SCFD2: variants seen among roughly 807,000 people sequenced by gnomAD.
SCFD2 encodes the protein sec1 family domain-containing protein 2.
In SCFD2, 54 loss-of-function variants were observed where a neutral mutation model predicts 58.9. The observed-to-expected ratio is 0.92, with a 90% CI of 0.74 to 1.15. SCFD2 has a LOEUF of 1.15. Among genes scored for constraint, SCFD2 ranks in the 50% most tolerant of loss-of-function variants. SCFD2 has a pLI of 0.00. For synonymous variants in SCFD2, 321 were observed against 335.9 expected (o/e 0.96, Z 0.49); for missense variants, 805 against 836.6 (o/e 0.96, Z 0.47).
intron 5 of SCFD2, chr4:52,945,804 A>G (rs1228515307): frequency 6.6e-6 from 1 of 152,164 alleles, no homozygotes; most frequent in Non-Finnish European, 1.5e-5. Context: ...TTTAAATTCA[A>G]TTCTCTTTTT....
chr4:53,002,289 C>A (rs1173875655), intron 5 of SCFD2, among the ~76,000 whole-genome samples: 3 of 152,094 alleles, frequency 2.0e-5, no homozygotes, highest in Non-Finnish European at 4.4e-5. Context: ...GATTTCCAAG[C>A]CAAACAGGGA....
intron 5 of SCFD2, among the ~76,000 whole-genome samples, chr4:53,122,119 G>A (rs1373193218): frequency 2.0e-5 from 3 of 152,166 alleles, no homozygotes; most frequent in African/African-American, 7.2e-5. Flanking sequence ...GCTCATGCCT[G>A]TAATCCCAGC....
At chr4:52,878,663 T>C (rs757402271) in intron 8 of SCFD2, among the ~76,000 whole-genome samples, 29 of 152,170 alleles carry the variant, frequency 1.9e-4, no homozygotes, top group Non-Finnish European at 3.2e-4. Context: ...GAGTTTGAAA[T>C]TGGCTGATCA....
At chr4:52,971,772 T>C (rs1560497818) in intron 5 of SCFD2, among the ~76,000 whole-genome samples, 1 of 152,120 alleles carries the variant, frequency 6.6e-6, no homozygotes, top group Non-Finnish European at 1.5e-5. Context: ...GAGAGAAAGG[T>C]CGGGTTACCC....
At chr4:52,938,799 G>A (rs1720210468) in intron 5 of SCFD2, among the ~76,000 whole-genome samples, 1 of 152,126 alleles carries the variant, frequency 6.6e-6, no homozygotes, top group Non-Finnish European at 1.5e-5. Context: ...GTTTCATTGT[G>A]TTTCAAAGTC....
At chr4:53,081,078 GC>G (rs1202733838) in intron 5 of SCFD2, among the ~76,000 whole-genome samples, 1 of 152,058 alleles carries the variant, frequency 6.6e-6, no homozygotes, top group Admixed American at 6.6e-5. Flanking sequence ...ACCTCCTAAT[GC>G]CCTGTAAATG....
intron 5 of SCFD2, among the ~76,000 whole-genome samples, chr4:53,114,478 G>C (rs557878153): frequency 7.9e-5 from 12 of 151,990 alleles, no homozygotes; most frequent in Non-Finnish European, 1.6e-4. Flanking sequence ...CATTCTTCTT[G>C]TTTTCCTCCC....
chr4:53,257,395 C>G lies in SCFD2; in HGVS notation c.1311+16431G>C, dbSNP rs1341592346. Among the ~76,000 whole-genome samples, 4 of 152,318 alleles carry G rather than the reference C, an allele frequency of 2.6e-5. No individual in the cohort carries two copies. In the East Asian group the frequency reaches 5.8e-4, roughly 22 times the overall value. On this transcript the variant is annotated intron_variant, in intron 4 of 8. Transcript: ENST00000401642. ...CAGATCCTAACCCTGGAAGGCTGAGCCCCGCAGTGCTCTGTATAGTCAGGG... is the reference window on the plus strand; with the variant it reads ...CAGATCCTAACCCTGGAAGGCTGAGGCCCGCAGTGCTCTGTATAGTCAGGG...
At chr4:52,909,937 C>T (rs530946726) in intron 6 of SCFD2, among the ~76,000 whole-genome samples, 22 of 152,196 alleles carry the variant, frequency 1.4e-4, no homozygotes, top group Admixed American at 1.1e-3. Context: ...TCTGAATGCT[C>T]TTCTATCACC....
chr4:52,956,019 T>A (rs2109535459), intron 5 of SCFD2: 1 of 456,500 alleles, frequency 2.2e-6, no homozygotes, highest in African/African-American at 2.0e-5. Flanking sequence ...GGCTTCACTG[T>A]GGGACTTCAG....
intron 4 of SCFD2, among the ~76,000 whole-genome samples, chr4:53,197,125 G>A (rs1018240332): frequency 1.3e-5 from 2 of 151,928 alleles, no homozygotes; most frequent in African/African-American, 2.4e-5. Flanking sequence ...TGGCGGGGGA[G>A]GAAAATTTCC....
intron 4 of SCFD2, among the ~76,000 whole-genome samples, chr4:53,205,611 A>G (rs1026839399): frequency 1.3e-5 from 2 of 152,122 alleles, no homozygotes; most frequent in Admixed American, 1.3e-4. Flanking sequence ...AAGATGGGCA[A>G]CACTTTGGGA....
chr4:53,336,504 T>C (rs1733687449), intron 2 of SCFD2, among the ~76,000 whole-genome samples: 1 of 152,106 alleles, frequency 6.6e-6, no homozygotes, highest in Admixed American at 6.6e-5. Context: ...TTTTTCCTTT[T>C]TTTCTTTCTT....
chr4:53,068,949 C>T (rs1723739031), intron 5 of SCFD2, among the ~76,000 whole-genome samples: 1 of 151,998 alleles, frequency 6.6e-6, no homozygotes, highest in Non-Finnish European at 1.5e-5. Flanking sequence ...AGCTCATTCT[C>T]CCTACCTTAA....
intron 4 of SCFD2, among the ~76,000 whole-genome samples, chr4:53,172,405 T>C (rs1381115008): frequency 6.6e-6 from 1 of 152,204 alleles, no homozygotes; most frequent in South Asian, 2.1e-4. Flanking sequence ...GTTTGTTCTT[T>C]TCTAGTTCCT....
At chr4:52,943,970 TA>T (rs1720356466) in intron 5 of SCFD2, among the ~76,000 whole-genome samples, 1 of 152,186 alleles carries the variant, frequency 6.6e-6, no homozygotes, top group Non-Finnish European at 1.5e-5. Context: ...AAAGCCTAAC[TA>T]CAAGAGCTCC....
At chr4:53,121,655 C>T (rs1025098661) in intron 5 of SCFD2, among the ~76,000 whole-genome samples, 1 of 152,154 alleles carries the variant, frequency 6.6e-6, no homozygotes, top group Non-Finnish European at 1.5e-5. Flanking sequence ...CAACTGAATG[C>T]GGTGCTTACG....
chr4:53,255,846 C>G (rs1300877109), intron 4 of SCFD2, among the ~76,000 whole-genome samples: 4 of 147,950 alleles, frequency 2.7e-5, no homozygotes, highest in Non-Finnish European at 6.0e-5. Context: ...GGGGGGCTGA[C>G]CCCCCCACCT....
chr4:52,902,457 C>G (rs1340359020), intron 7 of SCFD2, among the ~76,000 whole-genome samples: 1 of 152,184 alleles, frequency 6.6e-6, no homozygotes, highest in African/African-American at 2.4e-5. Flanking sequence ...GTGACTTCTT[C>G]TTTGGGGGGC....
Sources: gnomAD v4.1 joint callset for allele counts (sites outside exome capture counted in the v4.1 genomes callset) on GRCh38, gnomAD v4.1.1 for gene constraint, MANE v1.5 for transcripts, NCBI Gene and HGNC (gene_info 2026-07-23, HGNC 2026-07-21) for gene names.